The following LINS1 variants were observed in gnomAD, a reference collection of about 807,000 sequenced individuals.
LINS1 encodes the protein lines homolog 1.
In LINS1, 27 loss-of-function variants were observed where a neutral mutation model predicts 41.6. The ratio of observed to expected loss-of-function variants is 0.65; its 90% CI spans 0.48 to 0.89. The LOEUF (loss-of-function observed/expected upper bound fraction) is 0.89. LINS1 is among the 40% of genes least tolerant of loss of function. The probability of loss-of-function intolerance (pLI) is 0.00; values close to 1 mark genes in which losing one functional copy is unlikely to be tolerated. For synonymous variants in LINS1, 336 were observed against 312.9 expected (o/e 1.07, Z -0.78); for missense variants, 955 against 884.1 (o/e 1.08, Z -1.02).
Position 100,570,015 on chromosome 15 carries a change from CAAG to C in LINS1, c.1494_1496del (p.Phe498del), listed in dbSNP as rs760318837. 6 of 1,548,832 alleles carry C rather than the reference CAAG, an allele frequency of 3.9e-6. No homozygotes were observed. In the Admixed American group the frequency reaches 5.9e-5, roughly 15 times the overall value. On this transcript the variant is annotated inframe_deletion, in exon 7 of 7. Transcript: ENST00000314742. ...CTGTGGAATCAAATCCTATATTTTT[CAAG>C]AAGAACAAGAAAATACAGTGAGGAT...
chr15:100,598,083 T>C (rs2039325973), intron 1 of LINS1, among the ~76,000 whole-genome samples: 1 of 152,234 alleles, frequency 6.6e-6, no homozygotes, highest in Non-Finnish European at 1.5e-5. Flanking sequence ...TGACTTTCTT[T>C]GGCAGGGGTA....
chr15:100,572,325 C>A (rs2037877114), intron 5 of LINS1: 1 of 1,256,950 alleles, frequency 8.0e-7, no homozygotes, highest in South Asian at 1.7e-5. Flanking sequence ...AACTGCCTAA[C>A]AACTGTCTCT....
At chr15:100,571,657 C>T (rs2037831157) in intron 6 of LINS1, among the ~76,000 whole-genome samples, 1 of 152,170 alleles carries the variant, frequency 6.6e-6, no homozygotes, top group Non-Finnish European at 1.5e-5. Flanking sequence ...AAATCAGAAG[C>T]CATGTTTTCA....
At chr15:100,596,906 G>A (rs770674544) in intron 1 of LINS1, 1 of 152,190 alleles carries the variant, frequency 6.6e-6, no homozygotes. Context: ...TCCCTGCCAC[G>A]TACCTGAAGC....
At chr15:100,588,907 T>C (rs1482781659) in intron 1 of LINS1, among the ~76,000 whole-genome samples, 6 of 152,202 alleles carry the variant, frequency 3.9e-5, no homozygotes, top group Non-Finnish European at 8.8e-5. Context: ...AATTTAAAGG[T>C]GATTAGGCCT....
chr15:100,596,200 C>T (rs1466981863), intron 1 of LINS1, among the ~76,000 whole-genome samples: 2 of 152,182 alleles, frequency 1.3e-5, no homozygotes, highest in African/African-American at 4.8e-5. Flanking sequence ...AGTGCTACAC[C>T]ATCCTTCCTT....
chr15:100,573,360 G>T, intron 5 of LINS1: 1 of 1,217,340 alleles, frequency 8.2e-7, no homozygotes, highest in Non-Finnish European at 1.0e-6. Flanking sequence ...GTAAATACTT[G>T]AATATGAATT....
Position 100,569,323 on chromosome 15 carries a change from T to G in LINS1, c.2189A>C (p.Asn730Thr), listed in dbSNP as rs764181944. 8 of 1,613,878 alleles carry G rather than the reference T, an allele frequency of 5.0e-6. No homozygotes were observed. In the South Asian group the frequency reaches 7.7e-5, roughly 16 times the overall value. Residue 730 changes from asparagine (N) to threonine (T), a missense_variant, in exon 7 of 7, where the codon AAT (asparagine) becomes ACT (threonine). Physicochemically the swap from Asn to Thr is moderately conservative, Grantham distance 65. Coordinates refer to ENST00000314742, the MANE Select transcript of LINS1 (RefSeq NM_001040616.3). ...TGCAGTTGGATTATATGGGAAAAGA[T>G]TTTTCTTTTGCAAACGGCAGATGGC... The part of the protein sequence containing the change: ...QDAICRLQKK[N>T]LFPYNPTALL...
intron 1 of LINS1, among the ~76,000 whole-genome samples, chr15:100,586,889 C>A (rs549806245): frequency 6.6e-6 from 1 of 152,012 alleles, no homozygotes; most frequent in Non-Finnish European, 1.5e-5. Flanking sequence ...TGGCCGGGTG[C>A]GGTGGCTCAT....
intron 1 of LINS1, among the ~76,000 whole-genome samples, chr15:100,588,152 A>G (rs1252714947): frequency 6.6e-6 from 1 of 152,150 alleles, no homozygotes; most frequent in African/African-American, 2.4e-5. Context: ...GTCTTCCTGT[A>G]TTTTTCTGTC....
Position 100,575,072 on chromosome 15 carries a change from A to G in LINS1, c.546T>C (p.Ser182=). The part of the protein sequence containing the change: ...AFCQKNLSEY[S]ESNKAIYCLW... The stretch of plus-strand genomic sequence containing the variant: ...GGCAGTATATTGCTTTATTACTCTC[A>G]GAGTATTCAGAAAGATTTTTCTGGC... The change falls in exon 4 of 7, where the codon TCT becomes TCC. Residue 182 remains serine (S), a synonymous_variant. Transcript: ENST00000314742. 1 of 1,612,582 alleles carries G rather than the reference A, an allele frequency of 6.2e-7. No individual in the cohort carries two copies. The highest frequency in any genetic ancestry group is 1.1e-5 in the South Asian group (1 of 91,062).
At chr15:100,598,289 T>G (rs1026105003) in intron 1 of LINS1, among the ~76,000 whole-genome samples, 23 of 152,224 alleles carry the variant, frequency 1.5e-4, no homozygotes, top group African/African-American at 5.3e-4. Context: ...AAGATTAATT[T>G]AGTAGTGTAT....
chr15:100,569,757 A>G lies in LINS1; in HGVS notation c.1755T>C (p.Asp585=), dbSNP rs1444269749. The change falls in exon 7 of 7, where the codon GAT becomes GAC. Residue 585 remains aspartate, a synonymous_variant. Coordinates refer to ENST00000314742, the MANE Select transcript of LINS1 (RefSeq NM_001040616.3). ...HRLTAPHSHR[D]VCARHSWASD... Reference sequence around the variant, plus strand: ...AAGCCCAGGAGTGCCGAGCACACACATCTCTGTGACTATGAGGAGCAGTCA... The same window carrying G: ...AAGCCCAGGAGTGCCGAGCACACACGTCTCTGTGACTATGAGGAGCAGTCA... The G allele has an allele frequency of 6.2e-7, 1 of 1,613,774 alleles. No individual in the cohort carries two copies. Among genetic ancestry groups the G allele is most frequent in the African/African-American group, 1.3e-5 (1 of 74,914 alleles).
rs529957525 is a variant in LINS1, at chr15:100,600,439, G to T, written c.-104+1682C>A. Among the ~76,000 whole-genome samples the T allele has an allele frequency of 3.3e-5, 5 of 151,008 alleles. No homozygotes were observed. The East Asian group carries it at 9.8e-4, about 30-fold the overall frequency. ...ATTCTGATTTGGCCTGGTCTGTTGGGCCTAGTGCAGGGGTTTAATCTAAAA... is the reference window on the plus strand; with the variant it reads ...ATTCTGATTTGGCCTGGTCTGTTGGTCCTAGTGCAGGGGTTTAATCTAAAA... On this transcript the variant is annotated intron_variant, in intron 1 of 6. Transcript: ENST00000314742.
Position 100,568,027 on chromosome 15 carries a change from G to A in LINS1, c.*1211C>T, listed in dbSNP as rs943319158. ...TTAGACTGCCTTAATGCCAGACTTC[G>A]CAGCACAATATAGCTATTGCTCCTA... is the stretch of plus-strand genomic sequence containing the variant. On this transcript the variant is annotated 3_prime_UTR_variant, in exon 7 of 7. Coordinates refer to ENST00000314742, the MANE Select transcript of LINS1 (RefSeq NM_001040616.3). 2.0e-5 allele frequency: 3 copies of A among 151,346 alleles called. No individual in the cohort carries two copies. Among genetic ancestry groups the A allele is most frequent in the African/African-American group, 7.3e-5 (3 of 41,126 alleles). 9.4% of individuals were successfully genotyped at this position (151,346 alleles called of 1,614,324 possible).
intron 1 of LINS1, among the ~76,000 whole-genome samples, chr15:100,599,022 A>C (rs2039362181): frequency 6.6e-6 from 1 of 152,252 alleles, no homozygotes; most frequent in Non-Finnish European, 1.5e-5. Flanking sequence ...CAGCTAAATC[A>C]GAATTGCTGC....
At position 100,580,257 on chromosome 15, in the gene LINS1, T is replaced by TCTTA. The variant is rs1436846666; in HGVS notation, c.489+2_489+5dup. On this transcript the variant is annotated splice_donor_region_variant and intron_variant, in intron 3 of 6. Transcript: ENST00000314742. ...AATAATAACATACTTTGATTACTTA[T>TCTTA]CTTACCTTTTCTCTCAATTGGAAAT... 3 of 1,571,332 alleles carry TCTTA rather than the reference T, an allele frequency of 1.9e-6. No individual in the cohort carries two copies. The highest frequency in any genetic ancestry group is 2.6e-6 in the Non-Finnish European group (3 of 1,142,836).
intron 1 of LINS1, chr15:100,586,456 T>G (rs2038806054): frequency 6.6e-6 from 1 of 152,234 alleles, no homozygotes. Flanking sequence ...AAGAAAGGAT[T>G]GTGATATGGG....
At chr15:100,595,553 C>G (rs2039208435) in intron 1 of LINS1, among the ~76,000 whole-genome samples, 1 of 152,180 alleles carries the variant, frequency 6.6e-6, no homozygotes. Flanking sequence ...CTCTCCTACA[C>G]TGCTGGTGAG....
Sources: gnomAD v4.1 joint callset for allele counts (sites outside exome capture counted in the v4.1 genomes callset) on GRCh38, gnomAD v4.1.1 for gene constraint, MANE v1.5 for transcripts, NCBI Gene and HGNC (gene_info 2026-07-23, HGNC 2026-07-21) for gene names.